SPTBN1: variants seen among roughly 807,000 people sequenced by gnomAD.
SPTBN1 encodes spectrin beta, non-erythrocytic 1, also known as spectrin beta chain, non-erythrocytic 1.
A neutral mutation model predicts 266.4 loss-of-function variants in SPTBN1; 32 were observed. That is an observed-to-expected ratio of 0.12 (90% CI 0.09 to 0.16). SPTBN1 has a LOEUF of 0.16. Ranked by LOEUF, SPTBN1 falls within the 10% of genes least tolerant of loss-of-function variation. SPTBN1 has a pLI of 1.00. For synonymous variants in SPTBN1, 1,336 were observed against 1,162.2 expected (o/e 1.15, Z -3.04); for missense variants, 2,296 against 3,067.1 (o/e 0.75, Z 5.94).
rs777208411 is a variant in SPTBN1, at chr2:54,655,910, A to G, written c.5962-4A>G. 11 of 1,611,278 alleles carry G rather than the reference A, an allele frequency of 6.8e-6. No homozygotes were observed. The highest frequency in any genetic ancestry group is 8.5e-6 in the Non-Finnish European group (10 of 1,178,014). On this transcript the variant is annotated splice_region_variant and splice_polypyrimidine_tract_variant and intron_variant, in intron 28 of 35. Coordinates refer to ENST00000356805, the MANE Select transcript of SPTBN1 (RefSeq NM_003128.3). The stretch of plus-strand genomic sequence containing the variant: ...ATGTCCCGGGGATCCTCTTTTTCAT[A>G]CAGATCAAGGAAAAATTACTGCAGT...
intron 1 of SPTBN1, among the ~76,000 whole-genome samples, chr2:54,522,247 C>A (rs1670486651): frequency 6.6e-6 from 1 of 152,108 alleles, no homozygotes. Context: ...TTAAGGAATA[C>A]CATTAAGAAA....
Position 54,461,548 on chromosome 2 carries a change from A to G in SPTBN1, c.-48+5030A>G, listed in dbSNP as rs146936889. Among the ~76,000 whole-genome samples, 8 of 152,350 alleles carry G rather than the reference A, an allele frequency of 5.3e-5. No individual in the cohort carries two copies. In the East Asian group the frequency reaches 1.5e-3, roughly 29 times the overall value. On this transcript the variant is annotated intron_variant, in intron 1 of 35. Transcript: ENST00000356805. ...TAGAACTGTTTTTTACAAAGCGATT[A>G]TGTTGATCGTGTTCCCACTAGCCAT... is the stretch of plus-strand genomic sequence containing the variant.
In SPTBN1 at chr2:54,645,543, C is replaced by T. The variant is rs1679867259; in HGVS notation, c.4494+90C>T. 2 of 1,410,600 alleles carry T rather than the reference C, an allele frequency of 1.4e-6. No individual in the cohort carries two copies. Among genetic ancestry groups the T allele is most frequent in the Non-Finnish European group, 1.9e-6 (2 of 1,035,662 alleles). The allele number at this position is 1,410,600 out of a possible 1,614,324, so 87.4% of individuals were successfully genotyped here. ...ATTCTCACTTCTCAGTCATCCTCAC[C>T]TTGGGCCACGTTGGCAAGCTGAGCT... On this transcript the variant is annotated intron_variant, in intron 21 of 35. Coordinates refer to ENST00000356805, the MANE Select transcript of SPTBN1 (RefSeq NM_003128.3). This position sits in a 1 kb window ranked among gnomAD's most constrained non-coding sequence, Gnocchi z 4.3.
intron 2 of SPTBN1, among the ~76,000 whole-genome samples, chr2:54,563,490 G>T (rs934851891): frequency 6.6e-6 from 1 of 150,832 alleles, no homozygotes; most frequent in African/African-American, 2.4e-5. Flanking sequence ...AGTTTATTAC[G>T]TATTGAGAGT....
intron 3 of SPTBN1, among the ~76,000 whole-genome samples, chr2:54,602,042 G>A (rs1426972699): frequency 1.3e-5 from 2 of 152,118 alleles, no homozygotes; most frequent in African/African-American, 4.8e-5. Flanking sequence ...GCTCCCTCTC[G>A]GTCTCAGGTG....
chr2:54,547,949 C>T (rs1334816338), intron 2 of SPTBN1, among the ~76,000 whole-genome samples: 1 of 151,934 alleles, frequency 6.6e-6, no homozygotes, highest in Admixed American at 6.6e-5. Flanking sequence ...CGAGACCATC[C>T]TGGCTAACAC....
chr2:54,467,014 G>A (rs4233950), intron 1 of SPTBN1, among the ~76,000 whole-genome samples: 1 of 151,686 alleles, frequency 6.6e-6, no homozygotes, highest in Non-Finnish European at 1.5e-5. Context: ...CCGAGAGAGC[G>A]CCTGACAGAA....
rs1678837371 is a variant in SPTBN1, at chr2:54,632,748, G to A, written c.3747G>A (p.Lys1249=). The change falls in exon 17 of 36, where the codon AAG becomes AAA. Residue 1249 remains lysine, a synonymous_variant. Transcript: ENST00000356805. ...TCAACTCAGATCGCATCCAGGAGAA[G>A]GTGGACTCTATTGATGACAGGTACA... is the stretch of plus-strand genomic sequence containing the variant. ...GNINSDRIQE[K]VDSIDDRHRK... The A allele has an allele frequency of 4.3e-6, 7 of 1,614,184 alleles. No individual in the cohort carries two copies. In the South Asian group the frequency reaches 5.5e-5, roughly 13 times the overall value.
At chr2:54,615,612 G>GC (rs2103824248) in intron 4 of SPTBN1, among the ~76,000 whole-genome samples, 1 of 152,312 alleles carries the variant, frequency 6.6e-6, no homozygotes, top group African/African-American at 2.4e-5. Flanking sequence ...TGGGGAACCT[G>GC]CCCAAGGGTA....
At chr2:54,513,489 C>T (rs1251662637) in intron 1 of SPTBN1, among the ~76,000 whole-genome samples, 1 of 152,136 alleles carries the variant, frequency 6.6e-6, no homozygotes, top group East Asian at 1.9e-4. Context: ...TATGAAATTT[C>T]ACAACAAATA....
chr2:54,549,575 G>A (rs2104426408), intron 2 of SPTBN1, among the ~76,000 whole-genome samples: 1 of 152,286 alleles, frequency 6.6e-6, no homozygotes, highest in East Asian at 1.9e-4. Context: ...TGTGTCTGGT[G>A]TACTTTCCAT....
chr2:54,600,245 C>T (rs372790147), intron 3 of SPTBN1, among the ~76,000 whole-genome samples: 1 of 152,214 alleles, frequency 6.6e-6, no homozygotes, highest in African/African-American at 2.4e-5. Context: ...CAGACTGCCT[C>T]TTTGAGTCTG....
chr2:54,523,745 T>C (rs948808603), intron 1 of SPTBN1, among the ~76,000 whole-genome samples: 1 of 152,222 alleles, frequency 6.6e-6, no homozygotes, highest in African/African-American at 2.4e-5. Context: ...TGAATGATCC[T>C]TCTGTGTTGC....
rs144515184 is a variant in SPTBN1 at position 54,481,446 on chromosome 2, TTTTG to T, written c.-48+24948_-48+24951del. Among the ~76,000 whole-genome samples the T allele has an allele frequency of 8.2e-3, 1,218 of 149,260 alleles. 10 individuals carry two copies. Among genetic ancestry groups the T allele is most frequent in the African/African-American group, 0.021 (865 of 40,408 alleles). On this transcript the variant is annotated intron_variant, in intron 1 of 35. Coordinates refer to ENST00000356805, the MANE Select transcript of SPTBN1 (RefSeq NM_003128.3). Reference sequence around the variant, plus strand: ...TGTGTGTGTGTGTGTGTGTGTTTTGTTTTGTTTGTTTGTTTGTTTGTTTTCCAAA... The same window carrying T: ...TGTGTGTGTGTGTGTGTGTGTTTTGTTTTGTTTGTTTGTTTGTTTTCCAAA...
At position 54,645,580 on chromosome 2, in the gene SPTBN1, C is replaced by T. The variant is rs1450236808; in HGVS notation, c.4494+127C>T. 2.7e-5 allele frequency: 25 copies of T among 936,020 alleles called. No homozygotes were observed. In the East Asian group the frequency reaches 3.2e-4, roughly 12 times the overall value. The allele number at this position is 936,020 out of a possible 1,614,324, so 58.0% of individuals were successfully genotyped here. A position where few individuals can be genotyped will look rare whatever the true frequency, so the allele number is the denominator to read the frequency against. The stretch of plus-strand genomic sequence containing the variant: ...TGGCAAGCTGAGCTGCCAAAGTCCA[C>T]GCTCTGGATGGTCTAAAGTTTCTTT... On this transcript the variant is annotated intron_variant, in intron 21 of 35. Transcript: ENST00000356805. This position sits in a 1 kb window ranked among gnomAD's most constrained non-coding sequence, Gnocchi z 4.3.
rs555213903 is a variant in SPTBN1, at chr2:54,593,372, A to G, written c.149-5720A>G. Among the ~76,000 whole-genome samples the G allele has an allele frequency of 5.9e-5, 9 of 151,878 alleles. No individual in the cohort carries two copies. In the South Asian group the frequency reaches 8.4e-4, roughly 14 times the overall value. ...CCTGTCATGTCACAGAGACAGCCTC[A>G]CCACGTTCCTCCCACGGAGGGCTGC... On this transcript the variant is annotated intron_variant, in intron 2 of 35. Transcript: ENST00000356805.
chr2:54,646,314 G>A lies in SPTBN1; in HGVS notation c.4705G>A (p.Asp1569Asn), dbSNP rs750058189. The change falls in exon 23 of 36, where the codon GAC becomes AAC. Residue 1569 changes from aspartate (D) to asparagine (N), a missense_variant. By Grantham distance (23) the Asp-to-Asn change is conservative. Coordinates refer to ENST00000356805, the MANE Select transcript of SPTBN1 (RefSeq NM_003128.3). The surrounding 1 kb of genome is among the most constrained non-coding windows in gnomAD (Gnocchi z 4.4). ...TGAGGCCATCAGACAGAGGCTTGCC[G>A]ACCTGAAGCAGCTGTGGGGTCTCCT... ...SAEAIRQRLA[D>N]LKQLWGLLIE... 1.2e-5 allele frequency: 20 copies of A among 1,614,054 alleles called. No homozygotes were observed. The highest frequency in any genetic ancestry group is 8.3e-5 in the Admixed American group (5 of 60,008).
chr2:54,619,482 A>G (rs1357833508), intron 7 of SPTBN1, among the ~76,000 whole-genome samples: 1 of 152,184 alleles, frequency 6.6e-6, no homozygotes, highest in African/African-American at 2.4e-5. Flanking sequence ...ATCACCGCCC[A>G]GTATGAAAAG....
At chr2:54,529,151 A>G (rs566253477) in intron 2 of SPTBN1, among the ~76,000 whole-genome samples, 3 of 152,332 alleles carry the variant, frequency 2.0e-5, no homozygotes, top group Admixed American at 6.5e-5. Flanking sequence ...GATAATTTAC[A>G]TATCCAACAG....
Sources: allele counts gnomAD v4.1 joint callset (sites outside exome capture counted in the v4.1 genomes callset), GRCh38; gene constraint gnomAD v4.1.1; non-coding constraint Gnocchi (gnomAD v3.1); transcripts MANE v1.5; gene names NCBI Gene and HGNC (gene_info 2026-07-23, HGNC 2026-07-21).